Variants in SYCP2L observed in about 807,000 individuals in gnomAD.
SYCP2L encodes synaptonemal complex protein 2 like.
SYCP2L carries 98 observed loss-of-function variants against 125.8 expected under a neutral mutation model. The ratio of observed to expected loss-of-function variants is 0.78; its 90% CI spans 0.66 to 0.92. The LOEUF (loss-of-function observed/expected upper bound fraction) is 0.92. Among genes scored for constraint, SYCP2L ranks in the 40% least tolerant of loss-of-function variants. The probability of loss-of-function intolerance (pLI) is 0.00; values close to 1 mark genes in which losing one functional copy is unlikely to be tolerated. For synonymous variants in SYCP2L, 317 were observed against 325.4 expected, an observed-to-expected ratio of 0.97 and a Z score of 0.28; for missense variants, 842 against 936.4, an observed-to-expected ratio of 0.90 and a Z score of 1.32.
intron 10 of SYCP2L, 69 bp downstream of exon 10, chr6:10,907,753 G>C: frequency 6.5e-7 from 1 of 1,543,040 alleles, no homozygotes; most frequent in Admixed American, 1.8e-5. Context: ...GAACTTTCCT[G>C]TGCATTGGGC....
chr6:10,936,917 C>G (rs572557004), intron 21 of SYCP2L, among the ~76,000 whole-genome samples: 22 of 152,214 alleles, frequency 1.4e-4, no homozygotes, highest in African/African-American at 4.8e-4. Context: ...TATATATGCA[C>G]CCAACATTAC....
intron 20 of SYCP2L, among the ~76,000 whole-genome samples, chr6:10,934,770 C>A (rs1561692869): frequency 6.6e-6 from 1 of 152,120 alleles, no homozygotes; most frequent in Non-Finnish European, 1.5e-5. Flanking sequence ...CAGCCTTTCT[C>A]TTTTTACCTA....
At chr6:10,950,636 C>T (rs1781393779) in intron 23 of SYCP2L, among the ~76,000 whole-genome samples, 1 of 152,132 alleles carries the variant, frequency 6.6e-6, no homozygotes, top group African/African-American at 2.4e-5. Flanking sequence ...TTAACTAGAG[C>T]CTCTCCTCCA....
In SYCP2L at chr6:10,921,223, T is replaced by A. The variant is rs777590466; in HGVS notation, c.1073-3273T>A. Among the ~76,000 whole-genome samples, 61 of 152,344 alleles carry A rather than the reference T, an allele frequency of 4.0e-4. 2 individuals are homozygous for A. The highest frequency in any genetic ancestry group is 1.5e-3 in the South Asian group (7 of 4,826). ...AAAGGACATGATCTCATTTTTTTTA[T>A]GGCTGCATAGTATTCCAAGGTGTGT... On this transcript the variant is annotated intron_variant, in intron 14 of 29. Coordinates refer to ENST00000283141, the MANE Select transcript of SYCP2L (RefSeq NM_001040274.3).
At chr6:10,898,896 G>A (rs754031644) in intron 6 of SYCP2L, 48 bp downstream of exon 6, 4 of 1,134,518 alleles carry the variant, frequency 3.5e-6, no homozygotes, top group East Asian at 2.4e-5. Flanking sequence ...TTCATTAATA[G>A]AATATTCTGG....
chr6:10,933,882 A>G (rs1394228534), intron 20 of SYCP2L, among the ~76,000 whole-genome samples: 4 of 152,216 alleles, frequency 2.6e-5, no homozygotes, highest in Admixed American at 2.6e-4. Context: ...TAAATCTAGT[A>G]TCCCCTTACA....
intron 21 of SYCP2L, among the ~76,000 whole-genome samples, chr6:10,941,188 C>T (rs140656472): frequency 0.012 from 1,809 of 152,212 alleles, 12 homozygotes; most frequent in Middle Eastern, 0.02. Flanking sequence ...AGACTTAAAA[C>T]CATAAAAACC....
At chr6:10,945,794 A>G (rs1781306120) in intron 23 of SYCP2L, among the ~76,000 whole-genome samples, 1 of 136,404 alleles carries the variant, frequency 7.3e-6, no homozygotes, top group African/African-American at 2.7e-5. Flanking sequence ...AAAAAAAAAA[A>G]GAGTAAGTCT....
chr6:10,894,992 G>A (rs1235956384), intron 4 of SYCP2L, among the ~76,000 whole-genome samples: 1 of 152,186 alleles, frequency 6.6e-6, no homozygotes, highest in Non-Finnish European at 1.5e-5. Flanking sequence ...ACTCTAAAAT[G>A]CGTCTAATTA....
intron 2 of SYCP2L, among the ~76,000 whole-genome samples, chr6:10,893,148 G>A (rs546247737): frequency 3.9e-5 from 6 of 152,122 alleles, no homozygotes; most frequent in East Asian, 1.9e-4. Flanking sequence ...ACAGGCATGC[G>A]CCACCACGTC....
chr6:10,923,123 T>G (rs912008286), intron 14 of SYCP2L, among the ~76,000 whole-genome samples: 1 of 152,204 alleles, frequency 6.6e-6, no homozygotes, highest in African/African-American at 2.4e-5. Flanking sequence ...TTTAGACTCA[T>G]GTATGTTTCC....
intron 21 of SYCP2L, among the ~76,000 whole-genome samples, chr6:10,938,634 G>A (rs1286059739): frequency 5.3e-5 from 8 of 152,142 alleles, no homozygotes; most frequent in Non-Finnish European, 1.0e-4. Flanking sequence ...AAGATGACAT[G>A]ATTTTACATA....
chr6:10,921,396 A>G (rs1479095246), intron 14 of SYCP2L, among the ~76,000 whole-genome samples: 2 of 152,214 alleles, frequency 1.3e-5, no homozygotes, highest in Non-Finnish European at 2.9e-5. Flanking sequence ...GCATATACCC[A>G]GTAATGGGAT....
chr6:10,921,993 A>C (rs1780807549), intron 14 of SYCP2L, among the ~76,000 whole-genome samples: 1 of 152,162 alleles, frequency 6.6e-6, no homozygotes, highest in Non-Finnish European at 1.5e-5. Flanking sequence ...GCGTGAGCCA[A>C]CATGCCTGGC....
chr6:10,963,831 T>C lies in SYCP2L; in HGVS notation c.*25T>C. ...AGAAAGCCAAAGCCTGGTTTTATGA[T>C]TGCAGCCCTCAGGTAGGTGCAAAGA... On this transcript the variant is annotated 3_prime_UTR_variant, in exon 29 of 30. Coordinates refer to ENST00000283141, the MANE Select transcript of SYCP2L (RefSeq NM_001040274.3). 2.5e-6 allele frequency: 4 copies of C among 1,613,854 alleles called. No homozygotes were observed. Among genetic ancestry groups the C allele is most frequent in the Non-Finnish European group, 2.5e-6 (3 of 1,179,800 alleles).
chr6:10,958,331 C>T (rs1368611045), intron 25 of SYCP2L, among the ~76,000 whole-genome samples: 2 of 151,868 alleles, frequency 1.3e-5, no homozygotes, highest in Admixed American at 6.6e-5. Context: ...TGGTGGAAGG[C>T]CAAGGGGGAG....
rs115026560 is a variant in SYCP2L, at chr6:10,957,582, G to T, written c.2164-1202G>T. The stretch of plus-strand genomic sequence containing the variant: ...GATCCCAGCACTTTGGGAGGCCAAG[G>T]GGGGAGAATCGCTTGAGGCCAGGAG... On this transcript the variant is annotated intron_variant, in intron 25 of 29. Coordinates refer to ENST00000283141, the MANE Select transcript of SYCP2L (RefSeq NM_001040274.3). Among the ~76,000 whole-genome samples the T allele has an allele frequency of 2.7e-3, 415 of 152,272 alleles. 2 individuals carry two copies. Among genetic ancestry groups the T allele is most frequent in the Non-Finnish European group, 4.3e-3 (292 of 67,998 alleles).
intron 21 of SYCP2L, among the ~76,000 whole-genome samples, chr6:10,935,628 G>T (rs145964985): frequency 0.019 from 2,825 of 152,016 alleles, 90 homozygotes; most frequent in African/African-American, 0.065. Context: ...AGGTTCAAGC[G>T]ATTCTCCTGC....
chr6:10,928,576 T>G, intron 18 of SYCP2L, 126 bp downstream of exon 18: 1 of 1,352,348 alleles, frequency 7.4e-7, no homozygotes, highest in Non-Finnish European at 9.6e-7. Flanking sequence ...TTAAAAAAAT[T>G]TTTTTAAGAC....
Sources: allele counts gnomAD v4.1 joint callset (sites outside exome capture counted in the v4.1 genomes callset), GRCh38; gene constraint gnomAD v4.1.1; transcripts MANE v1.5; gene names NCBI Gene and HGNC (gene_info 2026-07-23, HGNC 2026-07-21).